GRID2: variants seen among roughly 807,000 people sequenced by gnomAD.
GRID2 encodes the protein glutamate receptor ionotropic, delta-2.
Under a neutral mutation model 114.8 loss-of-function variants are expected in GRID2, and 33 were observed. The ratio of observed to expected loss-of-function variants is 0.29; its 90% CI spans 0.22 to 0.38. GRID2 has a LOEUF of 0.38. Ranked by LOEUF, GRID2 falls within the 10% of genes least tolerant of loss-of-function variation. GRID2 has a pLI of 1.00. For missense variants in GRID2, 1,184 were observed against 1,257.7 expected (o/e 0.94, Z 0.89); for synonymous variants, 505 against 449.9 (o/e 1.12, Z -1.55).
intron 14 of GRID2, among the ~76,000 whole-genome samples, chr4:93,753,125 C>T (rs968550803): frequency 2.6e-5 from 4 of 152,128 alleles, no homozygotes; most frequent in African/African-American, 9.7e-5. Flanking sequence ...TGCTACACCT[C>T]CTATCTACAT....
chr4:92,885,719 T>C (rs959569880), intron 2 of GRID2, among the ~76,000 whole-genome samples: 5 of 152,184 alleles, frequency 3.3e-5, no homozygotes, highest in Non-Finnish European at 7.3e-5. Context: ...CTGATCAGAA[T>C]GAAGTTGTCT....
intron 2 of GRID2, among the ~76,000 whole-genome samples, chr4:92,733,798 A>C (rs1736449412): frequency 6.6e-6 from 1 of 152,026 alleles, no homozygotes; most frequent in South Asian, 2.1e-4. Context: ...AACTGGTGTG[A>C]TTACTGGTGT....
At position 92,422,918 on chromosome 4, in the gene GRID2, A is replaced by G. The variant is rs565689914; in HGVS notation, c.88+118174A>G. Among the ~76,000 whole-genome samples, 3 of 152,328 alleles carry G rather than the reference A, an allele frequency of 2.0e-5. No individual in the cohort carries two copies. In the South Asian group the frequency reaches 6.2e-4, roughly 32 times the overall value. On this transcript the variant is annotated intron_variant, in intron 1 of 15. Transcript: ENST00000282020. ...AAGTTAGTTCAGCATACGCCCAGGA[A>G]TGAACAAGGACAGCTTGGAGAACAA...
intron 2 of GRID2, among the ~76,000 whole-genome samples, chr4:92,689,349 G>T (rs1244228742): frequency 6.6e-6 from 1 of 152,094 alleles, no homozygotes; most frequent in African/African-American, 2.4e-5. Context: ...CCAATATAAG[G>T]CTGTTTTATC....
At chr4:93,343,355 CATAGT>C (rs1759858471) in intron 8 of GRID2, among the ~76,000 whole-genome samples, 1 of 152,004 alleles carries the variant, frequency 6.6e-6, no homozygotes, top group African/African-American at 2.4e-5. Context: ...GGCATAGTGT[CATAGT>C]AGTTGCATAC....
chr4:92,509,078 A>G (rs1003057384), intron 1 of GRID2, among the ~76,000 whole-genome samples: 5 of 151,970 alleles, frequency 3.3e-5, no homozygotes, highest in Admixed American at 6.6e-5. Flanking sequence ...TAAAAAACAA[A>G]CAAACAAACA....
At chr4:92,991,040 CTT>C (rs369283831) in intron 2 of GRID2, among the ~76,000 whole-genome samples, 232 of 152,148 alleles carry the variant, frequency 1.5e-3, no homozygotes, top group African/African-American at 5.2e-3. Context: ...ACACTAAACT[CTT>C]TATATATTTT....
chr4:92,639,043 A>C (rs954495297), intron 2 of GRID2, among the ~76,000 whole-genome samples: 1 of 151,396 alleles, frequency 6.6e-6, no homozygotes, highest in African/African-American at 2.4e-5. Context: ...TTATTTTATA[A>C]TGGTATTTTC....
intron 2 of GRID2, among the ~76,000 whole-genome samples, chr4:92,693,001 C>T (rs1734247741): frequency 7.0e-6 from 1 of 141,886 alleles, no homozygotes; most frequent in East Asian, 2.1e-4. Context: ...CCAGCCTGGG[C>T]GATAGAGCGA....
At chr4:92,598,591 T>A (rs971036246) in intron 2 of GRID2, among the ~76,000 whole-genome samples, 4 of 152,142 alleles carry the variant, frequency 2.6e-5, no homozygotes, top group African/African-American at 9.7e-5. Context: ...TTATTTTATG[T>A]ATGAATTCTG....
At chr4:92,628,288 G>T (rs1159817097) in intron 2 of GRID2, among the ~76,000 whole-genome samples, 2 of 152,020 alleles carry the variant, frequency 1.3e-5, no homozygotes, top group Admixed American at 1.3e-4. Context: ...ATGTGGCATG[G>T]GAGAGGGAAA....
intron 2 of GRID2, among the ~76,000 whole-genome samples, chr4:92,673,074 C>G (rs1373036876): frequency 6.6e-6 from 1 of 152,082 alleles, no homozygotes; most frequent in Non-Finnish European, 1.5e-5. Flanking sequence ...CAATATGTGT[C>G]TTTGTGGGAT....
At chr4:93,361,090 T>C (rs1761841362) in intron 8 of GRID2, among the ~76,000 whole-genome samples, 1 of 152,106 alleles carries the variant, frequency 6.6e-6, no homozygotes. Flanking sequence ...AGGTAACACT[T>C]ATTGACATCT....
At chr4:92,837,445 C>G (rs1156812464) in intron 2 of GRID2, among the ~76,000 whole-genome samples, 2 of 148,698 alleles carry the variant, frequency 1.3e-5, no homozygotes, top group Non-Finnish European at 3.0e-5. Flanking sequence ...TAATTCCACT[C>G]TAGACATAGC....
At chr4:92,610,302 T>C (rs1729656629) in intron 2 of GRID2, among the ~76,000 whole-genome samples, 1 of 151,678 alleles carries the variant, frequency 6.6e-6, no homozygotes, top group African/African-American at 2.4e-5. Context: ...GATTCTCCTG[T>C]AGAGAAGAGT....
In GRID2 at chr4:93,774,168, C is replaced by T. The variant is rs905553628; in HGVS notation, c.*1670C>T. ...TGTTCTGGGGAGCATCTTGTATTGT[C>T]ACTGTTTTGTACTAAATCTTCAAAT... On this transcript the variant is annotated 3_prime_UTR_variant, in exon 16 of 16. Coordinates refer to ENST00000282020, the MANE Select transcript of GRID2 (RefSeq NM_001510.4). The T allele has an allele frequency of 1.3e-5, 2 of 152,012 alleles. No homozygotes were observed. Among genetic ancestry groups the T allele is most frequent in the African/African-American group, 4.8e-5 (2 of 41,432 alleles). 9.4% of individuals were successfully genotyped at this position (152,012 alleles called of 1,614,324 possible).
At chr4:93,372,275 T>C (rs1416586274) in intron 8 of GRID2, among the ~76,000 whole-genome samples, 2 of 152,188 alleles carry the variant, frequency 1.3e-5, no homozygotes, top group Non-Finnish European at 2.9e-5. Flanking sequence ...TAATTTTGAA[T>C]TGGGTCTTCA....
At chr4:92,985,951 T>C (rs142878314) in intron 2 of GRID2, among the ~76,000 whole-genome samples, 425 of 152,304 alleles carry the variant, frequency 2.8e-3, no homozygotes, top group African/African-American at 9.7e-3. Context: ...AGCTCTCAAT[T>C]CACCGTCTGC....
chr4:93,185,201 A>T (rs1740288557), intron 4 of GRID2, among the ~76,000 whole-genome samples: 1 of 152,162 alleles, frequency 6.6e-6, no homozygotes, highest in Admixed American at 6.5e-5. Context: ...AGGTAGGAGA[A>T]TTTAAGACAA....
Sources: allele counts gnomAD v4.1 joint callset (sites outside exome capture counted in the v4.1 genomes callset), GRCh38; gene constraint gnomAD v4.1.1; transcripts MANE v1.5; gene names NCBI Gene and HGNC (gene_info 2026-07-23, HGNC 2026-07-21).